The following ENTPD5 variants were observed in gnomAD, a reference collection of about 807,000 sequenced individuals.
ENTPD5 encodes the protein nucleoside diphosphate phosphatase ENTPD5.
Under a neutral mutation model 60.2 loss-of-function variants are expected in ENTPD5, and 49 were observed. That is an observed-to-expected ratio of 0.81 (90% CI 0.65 to 1.03). The LOEUF (loss-of-function observed/expected upper bound fraction) is 1.03, where lower values mean the gene tolerates loss of function less well. Among genes scored for constraint, ENTPD5 ranks in the 50% least tolerant of loss-of-function variants. The pLI is 0.00. For synonymous variants in ENTPD5, 187 were observed against 185.4 expected (o/e 1.01, Z -0.07); for missense variants, 480 against 507.6 (o/e 0.95, Z 0.52).
chr14:74,008,585 C>T (rs1438613430), intron 3 of ENTPD5, among the ~76,000 whole-genome samples: 1 of 151,926 alleles, frequency 6.6e-6, no homozygotes, highest in Non-Finnish European at 1.5e-5. Context: ...TTAGTAGAGA[C>T]GGGGTTTCAC....
In ENTPD5 at chr14:73,986,561, C is replaced by A; in HGVS notation, c.297+253G>T. 3 of 462,246 alleles carry A rather than the reference C, an allele frequency of 6.5e-6. No homozygotes were observed. The South Asian group carries it at 8.2e-5, about 13-fold the overall frequency. The allele number at this position is 462,246 out of a possible 1,614,324, so 28.6% of individuals were successfully genotyped here. Reference sequence around the variant, plus strand: ...AACTCAAAATTTTAAACAGTAAGTACATAGGGAGTAATCTCTTAAAAGCTA... The same window carrying A: ...AACTCAAAATTTTAAACAGTAAGTAAATAGGGAGTAATCTCTTAAAAGCTA... On this transcript the variant is annotated intron_variant, in intron 5 of 15. Transcript: ENST00000334696.
chr14:73,979,472 CT>C (rs535777164), intron 6 of ENTPD5, among the ~76,000 whole-genome samples: 196 of 137,628 alleles, frequency 1.4e-3, no homozygotes, highest in East Asian at 1.8e-3. Context: ...ATAGTAAGCA[CT>C]TTTTTTTTTT....
chr14:73,956,047 G>A (rs917582742), downstream of ENTPD5: 231 of 1,466,510 alleles, frequency 1.6e-4, no homozygotes, highest in Non-Finnish European at 2.1e-4. Flanking sequence ...TCTGATGGCC[G>A]GGTGCGGTGG....
At chr14:74,003,365 T>G in intron 3 of ENTPD5, 2 of 603,082 alleles carry the variant, frequency 3.3e-6, no homozygotes, top group Non-Finnish European at 6.0e-6. Flanking sequence ...TCTCTCAGCC[T>G]TAGCGCCATT....
At chr14:73,993,810 G>GT (rs952990425) in intron 3 of ENTPD5, among the ~76,000 whole-genome samples, 2 of 150,776 alleles carry the variant, frequency 1.3e-5, no homozygotes, top group Non-Finnish European at 2.9e-5. Flanking sequence ...TATCATTGTA[G>GT]TTTTTGAAAA....
downstream of ENTPD5, chr14:73,958,008 C>T: frequency 1.3e-6 from 1 of 766,124 alleles, no homozygotes. Flanking sequence ...CAGACCACAG[C>T]ATTAATTACT....
intron 3 of ENTPD5, among the ~76,000 whole-genome samples, chr14:74,002,004 G>T (rs1448376989): frequency 2.0e-5 from 3 of 152,112 alleles, no homozygotes; most frequent in Non-Finnish European, 4.4e-5. Flanking sequence ...CATAATCTGA[G>T]ATTTTAAAAA....
downstream of ENTPD5, chr14:73,955,395 G>A: frequency 1.5e-6 from 2 of 1,350,042 alleles, no homozygotes; most frequent in South Asian, 2.3e-5. Context: ...GGAGGGACAA[G>A]GGGGAGCCCA....
chr14:73,980,075 T>C (rs564194606), intron 6 of ENTPD5, among the ~76,000 whole-genome samples: 39 of 151,724 alleles, frequency 2.6e-4, no homozygotes, highest in Non-Finnish European at 4.6e-4. Flanking sequence ...GCCTCCCCAG[T>C]AGCTGGGATT....
intron 3 of ENTPD5, among the ~76,000 whole-genome samples, chr14:74,005,413 T>C (rs1226636063): frequency 6.9e-6 from 1 of 144,978 alleles, no homozygotes; most frequent in African/African-American, 2.6e-5. Flanking sequence ...GTTTGTCAGA[T>C]TGCTCTCAAA....
At chr14:73,987,333 A>AAC (rs1398221204) in intron 4 of ENTPD5, among the ~76,000 whole-genome samples, 1 of 152,156 alleles carries the variant, frequency 6.6e-6, no homozygotes, top group Non-Finnish European at 1.5e-5. Context: ...ATTCTTTTTG[A>AAC]ACACATGGGT....
At chr14:73,989,776 C>T (rs1393822564) in intron 3 of ENTPD5, among the ~76,000 whole-genome samples, 3 of 143,198 alleles carry the variant, frequency 2.1e-5, no homozygotes, top group Non-Finnish European at 3.0e-5. Context: ...GAGGTTGTAG[C>T]GAGCCGAGAT....
At chr14:73,992,097 C>T (rs536845388) in intron 3 of ENTPD5, among the ~76,000 whole-genome samples, 10 of 151,826 alleles carry the variant, frequency 6.6e-5, no homozygotes, top group Non-Finnish European at 1.3e-4. Flanking sequence ...ATGAATAATG[C>T]CGTATCTATC....
At chr14:73,962,586 C>G (rs1287973727), downstream of ENTPD5, 2 of 186,728 alleles carry the variant, frequency 1.1e-5, no homozygotes, top group Admixed American at 1.1e-4. Flanking sequence ...ATAGGGATTT[C>G]TAATGATGAA....
intron 5 of ENTPD5, 68 bp downstream of exon 5, chr14:73,986,746 T>C: frequency 9.3e-7 from 1 of 1,070,458 alleles, no homozygotes; most frequent in East Asian, 2.4e-5. Context: ...ATGAAATATT[T>C]AACAGCAGTG....
At chr14:74,018,492 G>A (rs996364251) in intron 1 of ENTPD5, 1 of 152,198 alleles carries the variant, frequency 6.6e-6, no homozygotes, top group Non-Finnish European at 1.5e-5. Flanking sequence ...ATGACTCACT[G>A]ACTGACTCTC....
intron 11 of ENTPD5, among the ~76,000 whole-genome samples, chr14:73,974,590 G>A (rs186183713): frequency 3.8e-4 from 58 of 152,276 alleles, no homozygotes; most frequent in African/African-American, 1.1e-3. Context: ...TCTGCTTCCT[G>A]TGCCTCCAAT....
chr14:73,998,290 A>G (rs1249151967), intron 3 of ENTPD5, among the ~76,000 whole-genome samples: 1 of 152,116 alleles, frequency 6.6e-6, no homozygotes, highest in Non-Finnish European at 1.5e-5. Context: ...GCAGCTGACC[A>G]ACTGTTACCT....
intron 3 of ENTPD5, among the ~76,000 whole-genome samples, chr14:74,004,721 G>C (rs1297405544): frequency 6.6e-6 from 1 of 152,096 alleles, no homozygotes; most frequent in Non-Finnish European, 1.5e-5. Context: ...TAACCCAGTG[G>C]CTGGCTTCCT....
Sources: allele counts gnomAD v4.1 joint callset (sites outside exome capture counted in the v4.1 genomes callset), GRCh38; gene constraint gnomAD v4.1.1; transcripts MANE v1.5; gene names NCBI Gene and HGNC (gene_info 2026-07-23, HGNC 2026-07-21).